Variants in IL1RAPL1 observed in about 807,000 individuals in gnomAD.
The protein encoded by IL1RAPL1 is interleukin-1 receptor accessory protein-like 1.
Under a neutral mutation model 48.4 loss-of-function variants are expected in IL1RAPL1, and 3 were observed. That is an observed-to-expected ratio of 0.06 (90% CI 0.03 to 0.16). IL1RAPL1 has a LOEUF of 0.16. Ranked by LOEUF, IL1RAPL1 falls within the 10% of genes least tolerant of loss-of-function variation. The pLI, the probability that IL1RAPL1 is intolerant of heterozygous loss-of-function variation, is 1.00. For synonymous variants in IL1RAPL1, 185 were observed against 187.7 expected (o/e 0.99, Z 0.12); for missense variants, 349 against 530.6 (o/e 0.66, Z 3.36).
intron 5 of IL1RAPL1, among the ~76,000 whole-genome samples, chrX:29,501,297 C>T (rs1935270564): frequency 1.8e-5 from 2 of 110,993 alleles, no homozygotes; most frequent in Non-Finnish European, 1.9e-5. Flanking sequence ...GCTTTTTAGG[C>T]GGAGGTAATC....
intron 2 of IL1RAPL1, among the ~76,000 whole-genome samples, chrX:28,954,988 A>T (rs779841315): frequency 8.9e-6 from 1 of 112,152 alleles, no homozygotes; most frequent in South Asian, 3.7e-4. Context: ...ACAGTAATGG[A>T]TATATTACCA....
At chrX:29,372,773 CTTTTTTTTTTTT>C (rs1160543169) in intron 3 of IL1RAPL1, among the ~76,000 whole-genome samples, 2 of 63,487 alleles carry the variant, frequency 3.2e-5, no homozygotes, top group East Asian at 5.5e-4. Flanking sequence ...GTCTATGTGT[CTTTTTTTTTTTT>C]TTTTTTTTTT....
chrX:28,932,419 A>G (rs1923908825), intron 2 of IL1RAPL1, among the ~76,000 whole-genome samples: 1 of 111,829 alleles, frequency 8.9e-6, no homozygotes, highest in Admixed American at 9.5e-5. Flanking sequence ...CAAAAATACC[A>G]TCAGGTTTTT....
intron 5 of IL1RAPL1, among the ~76,000 whole-genome samples, chrX:29,512,926 A>G (rs2147767753): frequency 8.9e-6 from 1 of 111,971 alleles, no homozygotes; most frequent in East Asian, 2.8e-4. Context: ...TGTTTGTCTG[A>G]CTTAATGACT....
chrX:29,550,879 G>A (rs1921793561), intron 5 of IL1RAPL1, among the ~76,000 whole-genome samples: 1 of 112,069 alleles, frequency 8.9e-6, no homozygotes, highest in Non-Finnish European at 1.9e-5. Flanking sequence ...TTACAGTTCA[G>A]TGGTATAAAG....
At chrX:29,559,038 G>A (rs1019243849) in intron 5 of IL1RAPL1, among the ~76,000 whole-genome samples, 4 of 111,771 alleles carry the variant, frequency 3.6e-5, no homozygotes, top group Admixed American at 1.9e-4. Flanking sequence ...TATGAATTTG[G>A]GGAAATGCTA....
chrX:29,398,140 A>G (rs80134119), intron 4 of IL1RAPL1, among the ~76,000 whole-genome samples: 3 of 112,433 alleles, frequency 2.7e-5, no homozygotes, highest in East Asian at 2.8e-4. Context: ...AAAATAATCA[A>G]TCTGGCTAAA....
intron 6 of IL1RAPL1, among the ~76,000 whole-genome samples, chrX:29,881,485 G>T (rs61243141): frequency 0.12 from 13,722 of 110,568 alleles, 1,438 homozygotes; most frequent in African/African-American, 0.32. Context: ...TTGCTAAAAT[G>T]TCATCCCCGC....
chrX:28,977,060 A>G (rs1157571613), intron 2 of IL1RAPL1, among the ~76,000 whole-genome samples: 1 of 112,318 alleles, frequency 8.9e-6, no homozygotes, highest in East Asian at 2.8e-4. Context: ...ATTCCTGTTC[A>G]AGAAACCAAA....
intron 2 of IL1RAPL1, among the ~76,000 whole-genome samples, chrX:29,191,485 C>A (rs1930351453): frequency 9.0e-6 from 1 of 111,531 alleles, no homozygotes; most frequent in Admixed American, 9.6e-5. Context: ...CTTCATTTCC[C>A]CCCACCTCCC....
At chrX:28,822,850 C>G (rs1045985554) in intron 2 of IL1RAPL1, among the ~76,000 whole-genome samples, 3 of 111,920 alleles carry the variant, frequency 2.7e-5, no homozygotes, top group African/African-American at 9.7e-5. Flanking sequence ...GACCCTGCAT[C>G]TTGGTCCAGT....
intron 3 of IL1RAPL1, among the ~76,000 whole-genome samples, chrX:29,356,037 A>T (rs1477729964): frequency 8.9e-6 from 1 of 111,847 alleles, no homozygotes; most frequent in Non-Finnish European, 1.9e-5. Flanking sequence ...AGCTCATCTT[A>T]AATTATCTTT....
rs745868221 is a variant in IL1RAPL1 at position 29,047,953 on chromosome X, A to G, written c.83-234985A>G. 2.5e-4 allele frequency among the ~76,000 whole-genome samples: 28 copies of G among 110,956 alleles called. No homozygotes were observed. In the East Asian group the frequency reaches 6.5e-3, roughly 26 times the overall value. The stretch of plus-strand genomic sequence containing the variant: ...TTAATTCTTTTGACGTATGCATTAC[A>G]TACCACCCTTGTATTGGAACTATGT... On this transcript the variant is annotated intron_variant, in intron 2 of 10. Coordinates refer to ENST00000378993, the MANE Select transcript of IL1RAPL1 (RefSeq NM_014271.4).
intron 2 of IL1RAPL1, among the ~76,000 whole-genome samples, chrX:28,987,540 A>G (rs1925504140): frequency 9.0e-6 from 1 of 111,419 alleles, no homozygotes; most frequent in Non-Finnish European, 1.9e-5. Flanking sequence ...ACACACTTGC[A>G]TTTCTTTACT....
chrX:28,859,438 T>C (rs1381358407), intron 2 of IL1RAPL1, among the ~76,000 whole-genome samples: 1 of 111,292 alleles, frequency 9.0e-6, no homozygotes, highest in Non-Finnish European at 1.9e-5. Flanking sequence ...TTTTATATTT[T>C]TAGTAGAGAC....
chrX:29,815,767 T>A lies in IL1RAPL1; in HGVS notation c.779-101697T>A, dbSNP rs780882807. Among the ~76,000 whole-genome samples the A allele has an allele frequency of 1.6e-4, 18 of 111,376 alleles. No individual in the cohort carries two copies. The South Asian group carries it at 6.4e-3, about 40-fold the overall frequency. On this transcript the variant is annotated intron_variant, in intron 6 of 10. Coordinates refer to ENST00000378993, the MANE Select transcript of IL1RAPL1 (RefSeq NM_014271.4). ...TATGTTCCCTAGATGCCTAGTTTGT[T>A]GAGGCTTTTTATAATTTTATAAAAT...
rs753994084 is a variant in IL1RAPL1 at position 28,954,864 on chromosome X, C to A, written c.82+165439C>A. 8.1e-5 allele frequency among the ~76,000 whole-genome samples: 9 copies of A among 111,543 alleles called. No homozygotes were observed. In the South Asian group the frequency reaches 1.1e-3, roughly 14 times the overall value. ...AAATACAGTAAAGACATAAAAATAT[C>A]TATTCTCCTTTCCTCATTTACCCCC... On this transcript the variant is annotated intron_variant, in intron 2 of 10. Coordinates refer to ENST00000378993, the MANE Select transcript of IL1RAPL1 (RefSeq NM_014271.4).
chrX:29,287,649 A>G (rs1451906116), intron 3 of IL1RAPL1, among the ~76,000 whole-genome samples: 1 of 111,871 alleles, frequency 8.9e-6, no homozygotes, highest in Non-Finnish European at 1.9e-5. Flanking sequence ...TTTCATTTGC[A>G]TTTTCCTAAT....
intron 6 of IL1RAPL1, among the ~76,000 whole-genome samples, chrX:29,810,567 T>G (rs1244170135): frequency 8.9e-6 from 1 of 111,931 alleles, no homozygotes; most frequent in Non-Finnish European, 1.9e-5. Context: ...TTCTGGAAAA[T>G]TCTTGCCTAT....
Sources: allele counts gnomAD v4.1 joint callset (sites outside exome capture counted in the v4.1 genomes callset), GRCh38; gene constraint gnomAD v4.1.1; transcripts MANE v1.5; gene names NCBI Gene and HGNC (gene_info 2026-07-23, HGNC 2026-07-21).